PAX5: variants seen among roughly 807,000 people sequenced by gnomAD.
PAX5 encodes the protein paired box protein Pax-5.
A neutral mutation model predicts 43.7 loss-of-function variants in PAX5; 9 were observed. That is an observed-to-expected ratio of 0.21 (90% confidence interval 0.12 to 0.36). The LOEUF is 0.36. PAX5 is among the 10% of genes least tolerant of loss of function. The pLI, the probability that PAX5 is intolerant of heterozygous loss-of-function variation, is 1.00. For synonymous variants in PAX5, 228 were observed against 214.3 expected (o/e 1.06, Z -0.56); for missense variants, 383 against 532.7 (o/e 0.72, Z 2.77).
intron 1 of PAX5, among the ~76,000 whole-genome samples, chr9:37,021,429 G>A (rs997045858): frequency 6.6e-6 from 1 of 152,086 alleles, no homozygotes; most frequent in African/African-American, 2.4e-5. Context: ...CTTGACCACT[G>A]TACCTTCTCA....
chr9:36,980,179 A>C (rs1329574), intron 5 of PAX5, among the ~76,000 whole-genome samples: 114,946 of 152,184 alleles, frequency 0.76, 43,536 homozygotes, highest in South Asian at 0.89. Flanking sequence ...AGCGGCTTGC[A>C]CCGGTGGCTG....
At chr9:36,886,619 T>A (rs182779293) in intron 7 of PAX5, among the ~76,000 whole-genome samples, 31 of 152,316 alleles carry the variant, frequency 2.0e-4, no homozygotes, top group Admixed American at 1.9e-3. Context: ...TGGACTGGGA[T>A]GGGAAACCAG....
intron 6 of PAX5, among the ~76,000 whole-genome samples, chr9:36,964,191 G>A (rs893988248): frequency 6.6e-6 from 1 of 152,114 alleles, no homozygotes; most frequent in Non-Finnish European, 1.5e-5. Context: ...TGAGGCAGGA[G>A]AAAGGCGCGA....
chr9:36,907,541 C>T (rs536773264), intron 7 of PAX5, among the ~76,000 whole-genome samples: 1 of 152,322 alleles, frequency 6.6e-6, no homozygotes, highest in African/African-American at 2.4e-5. Context: ...GTATCAAATA[C>T]TGAGAGAGAT....
intron 7 of PAX5, among the ~76,000 whole-genome samples, chr9:36,897,851 C>A (rs1393610748): frequency 1.3e-5 from 2 of 152,230 alleles, no homozygotes; most frequent in Non-Finnish European, 2.9e-5. Context: ...ATGCCAGCAT[C>A]TTCTTGGGCT....
chr9:36,867,313 C>T (rs1824995359), intron 8 of PAX5, among the ~76,000 whole-genome samples: 1 of 152,198 alleles, frequency 6.6e-6, no homozygotes, highest in African/African-American at 2.4e-5. Context: ...GCTCGTGCCA[C>T]ACCCTTCTTT....
intron 4 of PAX5, among the ~76,000 whole-genome samples, chr9:37,005,993 G>A (rs980369800): frequency 2.0e-5 from 3 of 152,128 alleles, no homozygotes; most frequent in East Asian, 1.9e-4. Context: ...TCATGAGATC[G>A]AAGCAAGAGA....
chr9:36,837,782 G>T lies in PAX5; in HGVS notation c.*2778C>A, dbSNP rs1806512. On this transcript the variant is annotated 3_prime_UTR_variant, in exon 10 of 10. Transcript: ENST00000358127. Reference sequence around the variant, plus strand: ...CCTCAGGTGAGGGAGGAAAGGTATGGGGGGAGCTCATTACAGGGCAAGAAG... The same window carrying T: ...CCTCAGGTGAGGGAGGAAAGGTATGTGGGGAGCTCATTACAGGGCAAGAAG... The T allele has an allele frequency of 0.033, 7,760 of 233,372 alleles. 592 individuals are homozygous for T. The highest frequency in any genetic ancestry group is 0.16 in the African/African-American group (7,039 of 45,398). 14.5% of individuals were successfully genotyped at this position (233,372 alleles called of 1,614,324 possible). A position where few individuals can be genotyped will look rare whatever the true frequency, so the allele number is the denominator to read the frequency against.
rs1821588181 is a variant in PAX5 at position 36,835,626 on chromosome 9, A to G, written c.*4934T>C. The G allele has an allele frequency of 4.3e-6, 1 of 233,202 alleles. No individual in the cohort carries two copies. The highest frequency in any genetic ancestry group is 5.6e-5 in the Admixed American group (1 of 17,788). The allele number at this position is 233,202 out of a possible 1,614,324, so 14.4% of individuals were successfully genotyped here. On this transcript the variant is annotated 3_prime_UTR_variant, in exon 10 of 10. Coordinates refer to ENST00000358127, the MANE Select transcript of PAX5 (RefSeq NM_016734.3). ...CTAGGAGTCGTGGCCTGACTGTCCA[A>G]CTTTCCAATAATGCATTTTATTACC... is the stretch of plus-strand genomic sequence containing the variant.
intron 8 of PAX5, among the ~76,000 whole-genome samples, chr9:36,863,768 A>C (rs1463808945): frequency 2.6e-5 from 4 of 152,206 alleles, no homozygotes; most frequent in African/African-American, 4.8e-5. Context: ...TGCAAAAAAC[A>C]CGCAGGTCGG....
At chr9:36,997,662 C>T (rs1564058276) in intron 5 of PAX5, among the ~76,000 whole-genome samples, 1 of 152,238 alleles carries the variant, frequency 6.6e-6, no homozygotes, top group African/African-American at 2.4e-5. Context: ...ACAGCTTCCT[C>T]GACGAAAGCT....
rs180901193 is a variant in PAX5, at chr9:36,851,414, C to T, written c.1013-4485G>A. On this transcript the variant is annotated intron_variant, in intron 8 of 9. Coordinates refer to ENST00000358127, the MANE Select transcript of PAX5 (RefSeq NM_016734.3). ...ATTTCTGCTCACTCACACTCAAATG[C>T]CTTGGATGGCCGGGTTGGTGTTTTC... 2.6e-5 allele frequency among the ~76,000 whole-genome samples: 4 copies of T among 152,192 alleles called. No homozygotes were observed. The East Asian group carries it at 7.7e-4, about 29-fold the overall frequency.
At chr9:36,865,005 G>A (rs1050673554) in intron 8 of PAX5, among the ~76,000 whole-genome samples, 1 of 152,246 alleles carries the variant, frequency 6.6e-6, no homozygotes, top group African/African-American at 2.4e-5. Flanking sequence ...CTTCCCGCCC[G>A]CGAAGGAACA....
At chr9:36,902,619 C>T (rs753583521) in intron 7 of PAX5, among the ~76,000 whole-genome samples, 33 of 152,276 alleles carry the variant, frequency 2.2e-4, no homozygotes, top group East Asian at 3.9e-4. Context: ...CTGCAGGATC[C>T]GAGTGGGGAG....
chr9:36,882,059 G>A lies in PAX5; in HGVS notation c.957C>T (p.Val319=), dbSNP rs563606361. The A allele has an allele frequency of 4.0e-5, 64 of 1,611,096 alleles. No individual in the cohort carries two copies. Among genetic ancestry groups the A allele is most frequent in the Non-Finnish European group, 5.3e-5 (63 of 1,178,014 alleles). ...AGTAGCTGCCCTGTCCAGCGGGGGG[G>A]ACGTGTGGAGGGTACCCGGGGAGGG... ...STTLPGYPPH[V]PPAGQGSYSA... The change falls in exon 8 of 10, where the codon GTC becomes GTT. Residue 319 remains valine, a synonymous_variant. Transcript: ENST00000358127. This position sits in a 1 kb window ranked among gnomAD's most constrained non-coding sequence, Gnocchi z 4.4.
intron 6 of PAX5, among the ~76,000 whole-genome samples, chr9:36,931,666 C>T (rs749774359): frequency 5.3e-5 from 8 of 151,850 alleles, no homozygotes; most frequent in Non-Finnish European, 7.4e-5. Flanking sequence ...CTGGCCAACA[C>T]GGTGAAACCC....
chr9:36,868,871 G>A (rs1294553562), intron 8 of PAX5, among the ~76,000 whole-genome samples: 2 of 152,028 alleles, frequency 1.3e-5, no homozygotes, highest in African/African-American at 4.8e-5. Context: ...CTCACAACAT[G>A]CTTTCAAATG....
At chr9:37,026,207 C>T (rs1481055172) in intron 1 of PAX5, among the ~76,000 whole-genome samples, 10 of 152,234 alleles carry the variant, frequency 6.6e-5, no homozygotes, top group Admixed American at 2.0e-4. Flanking sequence ...CAACTTACTG[C>T]CCTCCAACTG....
intron 7 of PAX5, among the ~76,000 whole-genome samples, chr9:36,920,714 T>C (rs1830097758): frequency 6.6e-6 from 1 of 151,524 alleles, no homozygotes; most frequent in African/African-American, 2.4e-5. Context: ...AATGCCTCAA[T>C]GAGCATTTCC....
Sources: gnomAD v4.1 joint callset for allele counts (sites outside exome capture counted in the v4.1 genomes callset) on GRCh38, gnomAD v4.1.1 for gene constraint, Gnocchi (gnomAD v3.1) non-coding constraint, MANE v1.5 for transcripts, NCBI Gene and HGNC (gene_info 2026-07-23, HGNC 2026-07-21) for gene names.